FBXL13: variants seen among roughly 807,000 people sequenced by gnomAD.
FBXL13 encodes the protein F-box and leucine-rich repeat protein 13.
Under a neutral mutation model 83.6 loss-of-function variants are expected in FBXL13, and 67 were observed. The observed-to-expected ratio is 0.80, with a 90% CI of 0.66 to 0.98. FBXL13 has a LOEUF of 0.98. Among genes scored for constraint, FBXL13 ranks in the 50% least tolerant of loss-of-function variants. FBXL13 has a pLI of 0.00. For synonymous variants in FBXL13, 272 were observed against 299.5 expected (o/e 0.91, Z 0.95); for missense variants, 822 against 866.5 (o/e 0.95, Z 0.64).
At chr7:103,051,422 A>G (rs1360626594) in intron 2 of FBXL13, among the ~76,000 whole-genome samples, 1 of 151,462 alleles carries the variant, frequency 6.6e-6, no homozygotes, top group Non-Finnish European at 1.5e-5. Context: ...GCTCAAAGAA[A>G]CTCGGAGAGC....
chr7:102,831,815 C>G (rs1800752551), intron 18 of FBXL13, among the ~76,000 whole-genome samples: 2 of 151,972 alleles, frequency 1.3e-5, no homozygotes, highest in Non-Finnish European at 2.9e-5. Flanking sequence ...TCCTGTTTTC[C>G]TTATCCATAT....
rs1316357988 is a variant in FBXL13 at position 102,832,987 on chromosome 7, C to T, written c.1720-13G>A. 21 of 1,613,632 alleles carry T rather than the reference C, an allele frequency of 1.3e-5. No homozygotes were observed. The highest frequency in any genetic ancestry group is 1.8e-5 in the Non-Finnish European group (21 of 1,179,898). On this transcript the variant is annotated splice_polypyrimidine_tract_variant and intron_variant, in intron 17 of 19. Coordinates refer to ENST00000313221, the Ensembl canonical transcript of FBXL13. Reference sequence around the variant, plus strand: ...TTTTGCAGAATGCCTGCAAAAAATTCCAAGGTCAAATTTTTTCTTTTCTTT... The same window carrying T: ...TTTTGCAGAATGCCTGCAAAAAATTTCAAGGTCAAATTTTTTCTTTTCTTT...
chr7:102,940,071 T>C (rs1156264786), intron 8 of FBXL13, among the ~76,000 whole-genome samples: 1 of 150,546 alleles, frequency 6.6e-6, no homozygotes, highest in Non-Finnish European at 1.5e-5. Flanking sequence ...ATTTTGTATT[T>C]TTAGTAGAGA....
chr7:102,928,731 T>C (rs751845014), intron 9 of FBXL13, among the ~76,000 whole-genome samples: 10 of 152,234 alleles, frequency 6.6e-5, no homozygotes, highest in African/African-American at 1.9e-4. Context: ...TTTAACATAG[T>C]AGGTGCTAAA....
intron 18 of FBXL13, among the ~76,000 whole-genome samples, chr7:102,829,060 A>T (rs73406252): frequency 0.011 from 1,736 of 152,328 alleles, 25 homozygotes; most frequent in African/African-American, 0.039. Context: ...TAGAAACAGG[A>T]CATCTTTCCG....
intron 18 of FBXL13, among the ~76,000 whole-genome samples, chr7:102,827,970 G>A (rs1214812252): frequency 1.3e-5 from 2 of 152,164 alleles, no homozygotes; most frequent in Non-Finnish European, 2.9e-5. Context: ...GTACCATGCT[G>A]TTTTGGTTAC....
At chr7:103,012,060 T>C (rs1180258853) in intron 6 of FBXL13, among the ~76,000 whole-genome samples, 1 of 152,022 alleles carries the variant, frequency 6.6e-6, no homozygotes, top group Non-Finnish European at 1.5e-5. Flanking sequence ...CATCAGATTC[T>C]CCAAGGTCAA....
chr7:102,914,195 C>G (rs1006628431), intron 10 of FBXL13, among the ~76,000 whole-genome samples: 1 of 152,240 alleles, frequency 6.6e-6, no homozygotes, highest in Non-Finnish European at 1.5e-5. Flanking sequence ...GCCTCAGCCT[C>G]CCAAGTGGCT....
Position 102,818,593 on chromosome 7 carries a change from C to G in FBXL13, c.2018+3447G>C, listed in dbSNP as rs138132590. The stretch of plus-strand genomic sequence containing the variant: ...TTTTATTTTTTATCAACACAGATCT[C>G]CTAGAATGCCTGAGCAGTAGGGACT... On this transcript the variant is annotated intron_variant, in intron 19 of 19. Coordinates refer to ENST00000313221, the Ensembl canonical transcript of FBXL13. 2.0e-5 allele frequency among the ~76,000 whole-genome samples: 3 copies of G among 152,230 alleles called. No individual in the cohort carries two copies. The East Asian group carries it at 5.8e-4, about 29-fold the overall frequency.
chr7:102,913,061 G>T, intron 11 of FBXL13, 25 bp downstream of exon 12: 1 of 1,613,942 alleles, frequency 6.2e-7, no homozygotes, highest in Non-Finnish European at 8.5e-7. Context: ...ACACACCGCA[G>T]CAAAGAGAAG....
intron 8 of FBXL13, among the ~76,000 whole-genome samples, chr7:102,959,473 T>C (rs1417705494): frequency 6.6e-6 from 1 of 151,982 alleles, no homozygotes; most frequent in Non-Finnish European, 1.5e-5. Context: ...AAGGTAAAAA[T>C]ATATATAATT....
chr7:102,831,431 A>ACC (rs56834945), intron 18 of FBXL13, among the ~76,000 whole-genome samples: 34 of 147,232 alleles, frequency 2.3e-4, no homozygotes, highest in African/African-American at 4.2e-4. Flanking sequence ...ACACACACAC[A>ACC]CCCCACTACA....
At chr7:103,038,947 G>T (rs531016394) in intron 2 of FBXL13, among the ~76,000 whole-genome samples, 1 of 152,300 alleles carries the variant, frequency 6.6e-6, no homozygotes, top group East Asian at 1.9e-4. Context: ...CCAGCAAGGG[G>T]ACAAAACTGG....
chr7:103,018,914 C>T (rs780708564), intron 6 of FBXL13, among the ~76,000 whole-genome samples: 31 of 121,010 alleles, frequency 2.6e-4, no homozygotes, highest in Admixed American at 8.3e-4. Context: ...TTAGACAGAT[C>T]GAGACAGAAA....
intron 1 of FBXL13, among the ~76,000 whole-genome samples, chr7:103,064,586 T>C (rs1272876012): frequency 2.6e-5 from 4 of 152,188 alleles, no homozygotes; most frequent in East Asian, 3.8e-4. Flanking sequence ...ACTCCCCTTA[T>C]ATGAACAAGC....
chr7:102,831,781 A>G (rs116259252), intron 18 of FBXL13, among the ~76,000 whole-genome samples: 1,606 of 152,094 alleles, frequency 0.011, 31 homozygotes, highest in African/African-American at 0.036. Context: ...CAAGCTTCCA[A>G]ATTTTTGTTG....
At chr7:103,013,376 A>C (rs1249223225) in intron 6 of FBXL13, among the ~76,000 whole-genome samples, 1 of 152,170 alleles carries the variant, frequency 6.6e-6, no homozygotes, top group African/African-American at 2.4e-5. Context: ...AATCAACCAC[A>C]CATATTGGAC....
intron 8 of FBXL13, chr7:102,934,484 A>G: frequency 6.2e-7 from 1 of 1,614,182 alleles, no homozygotes; most frequent in Non-Finnish European, 8.5e-7. Flanking sequence ...GAACTACGCC[A>G]AGTGTGAAAG....
At chr7:102,851,437 T>TTCCCTCCTTTCCTCCCTCTCCC (rs1554416334) in intron 17 of FBXL13, among the ~76,000 whole-genome samples, 2 of 144,086 alleles carry the variant, frequency 1.4e-5, no homozygotes, top group East Asian at 2.1e-4. Flanking sequence ...TCTCTCTTTC[T>TTCCCTCCTTTCCTCCCTCTCCC]TCCCTCCTTC....
Sources: allele counts gnomAD v4.1 joint callset (sites outside exome capture counted in the v4.1 genomes callset), GRCh38; gene constraint gnomAD v4.1.1; transcripts MANE v1.5; gene names NCBI Gene and HGNC (gene_info 2026-07-23, HGNC 2026-07-21).